The following SLC25A21 variants were observed in gnomAD, a reference collection of about 807,000 sequenced individuals.
The protein encoded by SLC25A21 is mitochondrial 2-oxodicarboxylate carrier.
Under a neutral mutation model 43.8 loss-of-function variants are expected in SLC25A21, and 47 were observed. The ratio of observed to expected loss-of-function variants is 1.07; its 90% CI spans 0.85 to 1.37. The LOEUF (loss-of-function observed/expected upper bound fraction) is 1.37. SLC25A21 is among the 40% of genes most tolerant of loss of function. The pLI, the probability that SLC25A21 is intolerant of heterozygous loss-of-function variation, is 0.00. For missense variants in SLC25A21, 352 were observed against 350.2 expected, an observed-to-expected ratio of 1.00 and a Z score of -0.04; for synonymous variants, 131 against 121.3, an observed-to-expected ratio of 1.08 and a Z score of -0.52.
chr14:36,774,385 A>G (rs573496584), intron 3 of SLC25A21, among the ~76,000 whole-genome samples: 1 of 152,302 alleles, frequency 6.6e-6, no homozygotes, highest in Admixed American at 6.5e-5. Flanking sequence ...ATTCCATGTG[A>G]CATTGCAGAA....
intron 3 of SLC25A21, among the ~76,000 whole-genome samples, chr14:36,755,887 A>G (rs1358889234): frequency 6.6e-6 from 1 of 152,186 alleles, no homozygotes; most frequent in African/African-American, 2.4e-5. Context: ...CCAGGATGGC[A>G]AATGAGAGGC....
chr14:36,988,095 G>A (rs1029610725), intron 1 of SLC25A21, among the ~76,000 whole-genome samples: 5 of 152,164 alleles, frequency 3.3e-5, no homozygotes, highest in South Asian at 2.1e-4. Flanking sequence ...GTGGCAACAC[G>A]GCCTTGTGGA....
intron 1 of SLC25A21, among the ~76,000 whole-genome samples, chr14:37,069,461 A>G (rs1962129306): frequency 6.6e-6 from 1 of 152,198 alleles, no homozygotes; most frequent in Non-Finnish European, 1.5e-5. Flanking sequence ...ATCCTTTAAA[A>G]ACATGCCAGC....
At chr14:37,041,274 A>G (rs1479035871) in intron 1 of SLC25A21, among the ~76,000 whole-genome samples, 1 of 152,190 alleles carries the variant, frequency 6.6e-6, no homozygotes, top group Non-Finnish European at 1.5e-5. Flanking sequence ...CTCAGAACTA[A>G]TTCATTATTT....
At chr14:36,689,225 A>G (rs1399680474) in intron 7 of SLC25A21, among the ~76,000 whole-genome samples, 2 of 152,214 alleles carry the variant, frequency 1.3e-5, no homozygotes, top group East Asian at 3.9e-4. Context: ...GTTTAAAACC[A>G]TCAGCCTTCA....
At position 36,719,313 on chromosome 14, in the gene SLC25A21, T is replaced by C. The variant is rs139431149; in HGVS notation, c.438+6257A>G. ...AAGGACAGCAAGCTACAAAGTCACA[T>C]TGGCAAGACTGGGTATGCAAACCAT... On this transcript the variant is annotated intron_variant, in intron 6 of 9. Transcript: ENST00000331299. Among the ~76,000 whole-genome samples, 619 of 152,302 alleles carry C rather than the reference T, an allele frequency of 4.1e-3. 2 individuals are homozygous for C. Among genetic ancestry groups the C allele is most frequent in the Middle Eastern group, 0.017 (5 of 294 alleles).
chr14:37,139,977 G>A lies in SLC25A21; in HGVS notation c.70+32304C>T, dbSNP rs114242554. ...GAACATTAGCAGTTGAAGAACCGGA[G>A]GAAATAAAATTAAAGCATCACTGAA... On this transcript the variant is annotated intron_variant, in intron 1 of 9. Transcript: ENST00000331299. Among the ~76,000 whole-genome samples, 423 of 152,214 alleles carry A rather than the reference G, an allele frequency of 2.8e-3. 3 individuals carry two copies. The highest frequency in any genetic ancestry group is 9.9e-3 in the African/African-American group (411 of 41,540).
intron 1 of SLC25A21, among the ~76,000 whole-genome samples, chr14:36,970,605 G>T (rs1959728349): frequency 6.6e-6 from 1 of 152,168 alleles, no homozygotes; most frequent in Non-Finnish European, 1.5e-5. Context: ...CATGGGCTGG[G>T]TCAAAAGTAA....
At chr14:37,141,013 G>C (rs1205886671) in intron 1 of SLC25A21, among the ~76,000 whole-genome samples, 1 of 152,156 alleles carries the variant, frequency 6.6e-6, no homozygotes, top group East Asian at 1.9e-4. Flanking sequence ...AGGCGTGGTG[G>C]TGCAGGCTTG....
chr14:36,766,738 C>T (rs2139290725), intron 3 of SLC25A21, among the ~76,000 whole-genome samples: 1 of 152,224 alleles, frequency 6.6e-6, no homozygotes, highest in East Asian at 1.9e-4. Context: ...TGGAAAGGGT[C>T]AGGCCTTAGA....
At chr14:36,769,455 G>A (rs1886538895) in intron 3 of SLC25A21, among the ~76,000 whole-genome samples, 1 of 152,122 alleles carries the variant, frequency 6.6e-6, no homozygotes, top group Non-Finnish European at 1.5e-5. Context: ...AAATTTTAAT[G>A]TAGCACCATT....
At chr14:36,790,141 T>C (rs1483751457) in intron 3 of SLC25A21, among the ~76,000 whole-genome samples, 1 of 150,726 alleles carries the variant, frequency 6.6e-6, no homozygotes, top group Non-Finnish European at 1.5e-5. Context: ...ACAAGGGTTC[T>C]TGTTAAGGTT....
intron 1 of SLC25A21, among the ~76,000 whole-genome samples, chr14:37,103,184 C>T (rs965573322): frequency 5.3e-5 from 8 of 152,082 alleles, no homozygotes; most frequent in Non-Finnish European, 1.0e-4. Context: ...AATATTTTAT[C>T]GCACCTTCAC....
intron 3 of SLC25A21, among the ~76,000 whole-genome samples, chr14:36,746,810 A>G (rs1373159648): frequency 6.6e-6 from 1 of 152,078 alleles, no homozygotes; most frequent in Non-Finnish European, 1.5e-5. Context: ...TAGGATAAAC[A>G]CCTTTTTCTA....
chr14:36,855,400 G>A (rs1244416886), intron 2 of SLC25A21, among the ~76,000 whole-genome samples: 1 of 152,138 alleles, frequency 6.6e-6, no homozygotes, highest in Admixed American at 6.5e-5. Context: ...AATGACACTG[G>A]ATATTGGGTA....
At chr14:37,026,760 A>G (rs1178218202) in intron 1 of SLC25A21, among the ~76,000 whole-genome samples, 1 of 152,170 alleles carries the variant, frequency 6.6e-6, no homozygotes, top group Non-Finnish European at 1.5e-5. Context: ...AAGGGCCTCT[A>G]AAAACCTGGA....
At chr14:37,029,830 C>G (rs1190780452) in intron 1 of SLC25A21, among the ~76,000 whole-genome samples, 1 of 148,044 alleles carries the variant, frequency 6.8e-6, no homozygotes, top group East Asian at 2.0e-4. Context: ...AATGGCATGA[C>G]CTCGGCTCAC....
At chr14:37,136,233 A>C (rs1442345294) in intron 1 of SLC25A21, among the ~76,000 whole-genome samples, 1 of 152,216 alleles carries the variant, frequency 6.6e-6, no homozygotes, top group Non-Finnish European at 1.5e-5. Flanking sequence ...AATTGTTCTC[A>C]ACTATTAATT....
chr14:37,132,976 C>T (rs921167310), intron 1 of SLC25A21, among the ~76,000 whole-genome samples: 1 of 152,094 alleles, frequency 6.6e-6, no homozygotes, highest in African/African-American at 2.4e-5. Flanking sequence ...GCAATCCTCC[C>T]GCATCAGCCT....
Sources: gnomAD v4.1 joint callset for allele counts (sites outside exome capture counted in the v4.1 genomes callset) on GRCh38, gnomAD v4.1.1 for gene constraint, MANE v1.5 for transcripts, NCBI Gene and HGNC (gene_info 2026-07-23, HGNC 2026-07-21) for gene names.